The following JARID2 variants were observed in gnomAD, a reference collection of about 807,000 sequenced individuals.
JARID2 encodes protein Jumonji.
In JARID2, 21 loss-of-function variants were observed where a neutral mutation model predicts 125.6. The ratio of observed to expected loss-of-function variants is 0.17; its 90% confidence interval spans 0.12 to 0.24. The LOEUF is 0.24. Among genes scored for constraint, JARID2 ranks in the 10% least tolerant of loss-of-function variants. JARID2 has a pLI of 1.00. For synonymous variants in JARID2, 736 were observed against 661.6 expected, an observed-to-expected ratio of 1.11 and a Z score of -1.73; for missense variants, 1,303 against 1,639.6, an observed-to-expected ratio of 0.79 and a Z score of 3.55.
intron 14 of JARID2, 149 bp from the exon 15 acceptor site, chr6:15,512,766 A>T: frequency 1.2e-6 from 1 of 848,900 alleles, no homozygotes; most frequent in Non-Finnish European, 1.8e-6. Flanking sequence ...CCTTTCTCAC[A>T]GGGAGGCAAA....
rs200065813 is a variant in JARID2, at chr6:15,519,794, TC to T, written c.3559-271del. Among the ~76,000 whole-genome samples the T allele has an allele frequency of 5.3e-3, 801 of 152,138 alleles. 4 individuals carry two copies. Among genetic ancestry groups the T allele is most frequent in the Non-Finnish European group, 5.6e-3 (382 of 68,002 alleles). On this transcript the variant is annotated intron_variant, in intron 17 of 17. Coordinates refer to ENST00000341776, the MANE Select transcript of JARID2 (RefSeq NM_004973.4). ...CCGTGGTAGAGGCAGTGCTCTGGGC[TC>T]CCCTGCCAGCCCTGCCCTTATGAGC...
At chr6:15,384,222 G>A (rs536527828) in intron 2 of JARID2, among the ~76,000 whole-genome samples, 1 of 152,234 alleles carries the variant, frequency 6.6e-6, no homozygotes, top group South Asian at 2.1e-4. Context: ...GAGTAGCTTG[G>A]ACCACAGGTG....
intron 4 of JARID2, among the ~76,000 whole-genome samples, chr6:15,463,019 C>A (rs1025875437): frequency 1.3e-5 from 2 of 152,204 alleles, no homozygotes; most frequent in East Asian, 3.8e-4. Flanking sequence ...TGAAATACGG[C>A]TTTGGCAAAG....
intron 5 of JARID2, among the ~76,000 whole-genome samples, chr6:15,483,159 TC>T (rs1769704933): frequency 6.6e-6 from 1 of 152,190 alleles, no homozygotes; most frequent in East Asian, 1.9e-4. Context: ...AGTGTGTTGG[TC>T]CTTCTTGAAA....
chr6:15,334,032 A>G (rs1762802306), intron 1 of JARID2, among the ~76,000 whole-genome samples: 1 of 152,190 alleles, frequency 6.6e-6, no homozygotes. Context: ...AGCGTGCGGA[A>G]GTCCATAACC....
In JARID2 at chr6:15,340,023, G is replaced by A. The variant is rs896463319; in HGVS notation, c.46-34094G>A. On this transcript the variant is annotated intron_variant, in intron 1 of 17. Coordinates refer to ENST00000341776, the MANE Select transcript of JARID2 (RefSeq NM_004973.4). ...TGCCCAGGCTGCAGTGCAGTGGTGT[G>A]ATCTTGTCTCACTGCAACCTCTGAC... Among the ~76,000 whole-genome samples the A allele has an allele frequency of 4.3e-4, 65 of 151,374 alleles. 1 individual carries two copies. The highest frequency in any genetic ancestry group is 3.7e-3 in the Admixed American group (56 of 15,184).
At chr6:15,289,563 A>C (rs1400307072) in intron 1 of JARID2, among the ~76,000 whole-genome samples, 1 of 151,058 alleles carries the variant, frequency 6.6e-6, no homozygotes, top group Non-Finnish European at 1.5e-5. Flanking sequence ...AAAAAAAAAA[A>C]CCATGTTTTA....
At chr6:15,485,201 T>A (rs1769809526) in intron 5 of JARID2, among the ~76,000 whole-genome samples, 1 of 152,210 alleles carries the variant, frequency 6.6e-6, no homozygotes, top group Admixed American at 6.5e-5. Flanking sequence ...TCCTTCAGTA[T>A]TTTAAAATCT....
chr6:15,511,275 T>G (rs752354874), intron 12 of JARID2, 21 bp from the exon 13 acceptor site: 1 of 1,555,156 alleles, frequency 6.4e-7, no homozygotes, highest in South Asian at 1.1e-5. Context: ...TGCTTGTCTC[T>G]TGTGTCTCTC....
At chr6:15,342,405 C>A (rs1763098922) in intron 1 of JARID2, among the ~76,000 whole-genome samples, 1 of 152,146 alleles carries the variant, frequency 6.6e-6, no homozygotes. Context: ...TAAATACTGT[C>A]CAACTAGGGT....
intron 5 of JARID2, among the ~76,000 whole-genome samples, chr6:15,486,537 A>AG (rs1340215133): frequency 2.0e-5 from 3 of 152,356 alleles, no homozygotes; most frequent in African/African-American, 7.2e-5. Flanking sequence ...CCTGTCCAGT[A>AG]GGGTTGTTCT....
intron 1 of JARID2, among the ~76,000 whole-genome samples, chr6:15,315,308 A>G (rs550247195): frequency 6.6e-6 from 1 of 152,326 alleles, no homozygotes; most frequent in African/African-American, 2.4e-5. Context: ...CTACAGGACT[A>G]GGGAGGATGA....
At chr6:15,334,581 T>C (rs1762818077) in intron 1 of JARID2, among the ~76,000 whole-genome samples, 1 of 152,208 alleles carries the variant, frequency 6.6e-6, no homozygotes, top group African/African-American at 2.4e-5. Flanking sequence ...ATGTGCTTGC[T>C]CCTTTTGCTG....
chr6:15,295,538 T>G (rs1208452331), intron 1 of JARID2, among the ~76,000 whole-genome samples: 1 of 152,190 alleles, frequency 6.6e-6, no homozygotes, highest in Non-Finnish European at 1.5e-5. Context: ...CTCTGTGATG[T>G]AATGGAAAGA....
In JARID2 at chr6:15,496,653, C is replaced by G. The variant is rs770570459; in HGVS notation, c.1428C>G (p.Ala476=). The change falls in exon 7 of 18, where the codon GCC becomes GCG. Residue 476 remains alanine (A), a synonymous_variant. Coordinates refer to ENST00000341776, the MANE Select transcript of JARID2 (RefSeq NM_004973.4). ...PAEGPGKKAP[A]ERGLLNGHVK... is the part of the protein sequence containing the mutation. ...AAGGCCCTGGCAAGAAGGCCCCGGC[C>G]GAGAGAGGTCTGCTGAACGGACACG... 1 of 1,612,182 alleles carries G rather than the reference C, an allele frequency of 6.2e-7. No homozygotes were observed. Among genetic ancestry groups the G allele is most frequent in the Non-Finnish European group, 8.5e-7 (1 of 1,179,734 alleles).
At chr6:15,362,786 G>A (rs1763845797) in intron 1 of JARID2, among the ~76,000 whole-genome samples, 1 of 152,168 alleles carries the variant, frequency 6.6e-6, no homozygotes, top group Non-Finnish European at 1.5e-5. Flanking sequence ...ATTAGTTGGT[G>A]GTAGAGACAT....
chr6:15,302,788 G>A (rs995282367), intron 1 of JARID2, among the ~76,000 whole-genome samples: 2 of 152,226 alleles, frequency 1.3e-5, no homozygotes, highest in East Asian at 3.9e-4. Flanking sequence ...AGGCTGGAGT[G>A]CAATGGCGTG....
intron 3 of JARID2, among the ~76,000 whole-genome samples, chr6:15,415,500 A>G (rs112747575): frequency 7.3e-4 from 95 of 129,626 alleles, no homozygotes; most frequent in Middle Eastern, 5.3e-3. Context: ...GGGGCTCCTC[A>G]CTTCCCAGTA....
chr6:15,454,941 GTGGTGTGATGATCAGGAA>G, intron 4 of JARID2, among the ~76,000 whole-genome samples: 1 of 152,306 alleles, frequency 6.6e-6, no homozygotes, highest in Admixed American at 6.5e-5. Context: ...CTGGTAGAGT[GTGGTGTGATGATCAGGAA>G]TGGAGAACGA....
Sources: gnomAD v4.1 joint callset for allele counts (sites outside exome capture counted in the v4.1 genomes callset) on GRCh38, gnomAD v4.1.1 for gene constraint, MANE v1.5 for transcripts, NCBI Gene and HGNC (gene_info 2026-07-23, HGNC 2026-07-21) for gene names.